The following SPDL1 variants were observed in gnomAD, a reference collection of about 807,000 sequenced individuals.
SPDL1 encodes the protein protein Spindly.
A neutral mutation model predicts 79.5 loss-of-function variants in SPDL1; 85 were observed. The ratio of observed to expected loss-of-function variants is 1.07; its 90% CI spans 0.90 to 1.28. The LOEUF (loss-of-function observed/expected upper bound fraction) is 1.28. Among genes scored for constraint, SPDL1 ranks in the 50% most tolerant of loss-of-function variants. The probability of loss-of-function intolerance (pLI) is 0.00; values close to 1 mark genes in which losing one functional copy is unlikely to be tolerated. For missense variants in SPDL1, 703 were observed against 697.8 expected (o/e 1.01, Z -0.08); for synonymous variants, 269 against 240.3 (o/e 1.12, Z -1.10).
chr5:169,591,091 T>G lies in SPDL1; in HGVS notation c.203T>G (p.Leu68Arg). ...EKYTLQREVE[L>R]KSRMLESLSC... Reference sequence around the variant, plus strand: ...TATACCCTTCAAAGAGAAGTTGAACTCAAGAGTCGAATGTTAGAAAGTTTG... The same window carrying G: ...TATACCCTTCAAAGAGAAGTTGAACGCAAGAGTCGAATGTTAGAAAGTTTG... The change falls in exon 3 of 12, where the codon CTC becomes CGC. Residue 68 changes from leucine (L) to arginine (R), a missense_variant. Coordinates refer to ENST00000265295, the MANE Select transcript of SPDL1 (RefSeq NM_017785.5). The G allele has an allele frequency of 6.2e-7, 1 of 1,613,944 alleles. No individual in the cohort carries two copies. The highest frequency in any genetic ancestry group is 8.5e-7 in the Non-Finnish European group (1 of 1,179,946).
Position 169,601,531 on chromosome 5 carries a change from C to T in SPDL1, c.1576C>T (p.Leu526=). 1 of 1,614,174 alleles carries T rather than the reference C, an allele frequency of 6.2e-7. No homozygotes were observed. Among genetic ancestry groups the T allele is most frequent in the South Asian group, 1.1e-5 (1 of 91,080 alleles). ...CAAAAATCTGCCCGTGGATATGCAGCTGAAGAAGGAAAAGAAATGTGTGAA... is the reference window on the plus strand; with the variant it reads ...CAAAAATCTGCCCGTGGATATGCAGTTGAAGAAGGAAAAGAAATGTGTGAA... The part of the protein sequence containing the change: ...PHKNLPVDMQ[L]KKEKKCVKLI... Residue 526 remains leucine (L), a synonymous_variant, in exon 11 of 12, where the codon CTG becomes TTG. Transcript: ENST00000265295.
chr5:169,591,291 TGATAAA>T (rs1449009195), intron 3 of SPDL1, 67 bp downstream of exon 3: 3 of 1,512,798 alleles, frequency 2.0e-6, no homozygotes, highest in African/African-American at 1.4e-5. Context: ...AAACTTTAGA[TGATAAA>T]GATTTTCTTA....
chr5:169,596,714 G>A lies in SPDL1; in HGVS notation c.1032+13G>A, dbSNP rs1383828396. 6.4e-7 allele frequency: 1 copy of A among 1,551,932 alleles called. No homozygotes were observed. The highest frequency in any genetic ancestry group is 8.6e-7 in the Non-Finnish European group (1 of 1,158,802). On this transcript the variant is annotated intron_variant, in intron 8 of 11. Transcript: ENST00000265295. ...GGAGAAATTTAAGGTATGTATAACA[G>A]TTAAAAAAACACACATCCAAATTTT...
Position 169,604,216 on chromosome 5 carries a change from CT to C in SPDL1, c.*12del. On this transcript the variant is annotated 3_prime_UTR_variant, in exon 12 of 12. Coordinates refer to ENST00000265295, the MANE Select transcript of SPDL1 (RefSeq NM_017785.5). ...AGTGCCCTCAACAGTAAAGACTTGT[CT>C]TTAATAAGAGTACGGTGCCACTTGC... is the stretch of plus-strand genomic sequence containing the variant. The C allele has an allele frequency of 6.4e-7, 1 of 1,553,384 alleles. No individual in the cohort carries two copies. The highest frequency in any genetic ancestry group is 1.3e-5 in the South Asian group (1 of 79,858).
At chr5:169,601,888 C>T (rs1329441232) in intron 11 of SPDL1, 1 of 525,436 alleles carries the variant, frequency 1.9e-6, no homozygotes, top group Non-Finnish European at 3.4e-6. Flanking sequence ...CACAGTTTAA[C>T]ACATCTCTGA....
At chr5:169,601,666 C>A in intron 11 of SPDL1, 41 bp downstream of exon 11, 2 of 1,520,336 alleles carry the variant, frequency 1.3e-6, no homozygotes, top group South Asian at 1.1e-5. Flanking sequence ...GCAGACCTCT[C>A]CATCTCTCCT....
chr5:169,599,724 T>A (rs1755784776), intron 10 of SPDL1, among the ~76,000 whole-genome samples: 1 of 152,180 alleles, frequency 6.6e-6, no homozygotes. Flanking sequence ...GGCTGAGAAA[T>A]GCAGTCTTGA....
At chr5:169,584,521 T>C (rs1754876419) in intron 1 of SPDL1, among the ~76,000 whole-genome samples, 1 of 152,218 alleles carries the variant, frequency 6.6e-6, no homozygotes, top group South Asian at 2.1e-4. Context: ...TGCTTGTTTT[T>C]ATAGATGATT....
intron 10 of SPDL1, among the ~76,000 whole-genome samples, chr5:169,600,729 G>A (rs1267385206): frequency 1.3e-5 from 2 of 152,180 alleles, no homozygotes; most frequent in Non-Finnish European, 2.9e-5. Context: ...CATAAAAGTA[G>A]TCTGATTCTG....
intron 2 of SPDL1, chr5:169,590,729 T>C (rs1755230268): frequency 2.1e-6 from 1 of 468,878 alleles, no homozygotes; most frequent in Non-Finnish European, 4.2e-6. Context: ...GCTTAAGTGC[T>C]GTTAAATCTT....
chr5:169,593,328 T>C, intron 3 of SPDL1, 26 bp from the exon 4 acceptor site: 1 of 1,554,192 alleles, frequency 6.4e-7, no homozygotes, highest in South Asian at 1.2e-5. Flanking sequence ...ACTTTCAATT[T>C]ATGACTTTTT....
intron 11 of SPDL1, among the ~76,000 whole-genome samples, chr5:169,602,874 T>G (rs1244953859): frequency 1.3e-5 from 2 of 152,218 alleles, no homozygotes; most frequent in African/African-American, 2.4e-5. Flanking sequence ...TATGCCTGTT[T>G]ATATGTGATG....
intron 7 of SPDL1, 135 bp downstream of exon 7, chr5:169,594,816 A>G (rs1209463105): frequency 3.7e-6 from 2 of 542,782 alleles, no homozygotes; most frequent in African/African-American, 1.9e-5. Context: ...CATGATTTCA[A>G]AAAATCAATT....
intron 1 of SPDL1, 125 bp from the exon 2 acceptor site, chr5:169,588,269 C>A: frequency 1.6e-6 from 1 of 610,510 alleles, no homozygotes; most frequent in Non-Finnish European, 2.7e-6. Flanking sequence ...ACTTATTAGT[C>A]AGGAAGAAAA....
chr5:169,587,756 C>G (rs1755061089), intron 1 of SPDL1, among the ~76,000 whole-genome samples: 1 of 152,096 alleles, frequency 6.6e-6, no homozygotes, highest in African/African-American at 2.4e-5. Flanking sequence ...ATTATTATTT[C>G]TCAAGACAGT....
At chr5:169,596,792 A>G in intron 8 of SPDL1, 91 bp downstream of exon 8, 2 of 1,093,150 alleles carry the variant, frequency 1.8e-6, no homozygotes, top group Non-Finnish European at 2.6e-6. Context: ...TTATTAATAA[A>G]TATCTTGTGG....
chr5:169,596,467 A>C, intron 7 of SPDL1, 94 bp from the exon 8 acceptor site: 1 of 1,103,314 alleles, frequency 9.1e-7, no homozygotes, highest in Non-Finnish European at 1.3e-6. Context: ...AGTTCAAAGT[A>C]ATATAGTACA....
chr5:169,584,890 A>G (rs1388073078), intron 1 of SPDL1, among the ~76,000 whole-genome samples: 9 of 152,304 alleles, frequency 5.9e-5, no homozygotes, highest in Non-Finnish European at 1.3e-4. Flanking sequence ...CACGCCTGTA[A>G]TCCCAGCTAC....
chr5:169,593,601 AT>A, intron 4 of SPDL1, 53 bp downstream of exon 4: 1 of 1,488,766 alleles, frequency 6.7e-7, no homozygotes, highest in Non-Finnish European at 9.0e-7. Context: ...TTTCTGGCAT[AT>A]TTTTACATGT....
Sources: gnomAD v4.1 joint callset for allele counts (sites outside exome capture counted in the v4.1 genomes callset) on GRCh38, gnomAD v4.1.1 for gene constraint, MANE v1.5 for transcripts, NCBI Gene and HGNC (gene_info 2026-07-23, HGNC 2026-07-21) for gene names.